FNDC1: variants seen among roughly 807,000 people sequenced by gnomAD.
The protein encoded by FNDC1 is fibronectin type III domain-containing protein 1.
FNDC1 carries 96 observed loss-of-function variants against 168.0 expected under a neutral mutation model. The ratio of observed to expected loss-of-function variants is 0.57; its 90% CI spans 0.48 to 0.68. FNDC1 has a LOEUF of 0.68. FNDC1 is among the 30% of genes least tolerant of loss of function. The probability of loss-of-function intolerance (pLI) is 0.00; values close to 1 mark genes in which losing one functional copy is unlikely to be tolerated. For missense variants in FNDC1, 2,587 were observed against 2,482.1 expected (o/e 1.04, Z -0.90); for synonymous variants, 1,099 against 1,025.9 (o/e 1.07, Z -1.36).
intron 1 of FNDC1, among the ~76,000 whole-genome samples, chr6:159,194,005 TG>T (rs1193449261): frequency 1.3e-5 from 2 of 152,222 alleles, no homozygotes; most frequent in African/African-American, 4.8e-5. Context: ...TAAAGTTTAC[TG>T]GTATGAACTG....
In FNDC1 at chr6:159,193,122, A is replaced by ATG. The variant is rs367967927; in HGVS notation, c.110-4297_110-4296dup. Among the ~76,000 whole-genome samples the ATG allele has an allele frequency of 5.3e-4, 80 of 151,948 alleles. 4 individuals are homozygous for ATG. The highest frequency in any genetic ancestry group is 1.8e-3 in the African/African-American group (74 of 41,460). Reference sequence around the variant, plus strand: ...ACTGAGTCCAACAGCTCATGTGTGTATGTGTGTGTGTGTCCCTACATAGTG... The same window carrying ATG: ...ACTGAGTCCAACAGCTCATGTGTGTATGTGTGTGTGTGTGTCCCTACATAGTG... On this transcript the variant is annotated intron_variant, in intron 1 of 22. Transcript: ENST00000297267.
Position 159,169,569 on chromosome 6 carries a change from C to A in FNDC1, c.-28C>A, listed in dbSNP as rs1184395920. ...AGCGCCCCCCTGCCAGCCGCAAGCA[C>A]CCAGCCCCGGCCCACCCCGGGCTCT... On this transcript the variant is annotated 5_prime_UTR_variant, in exon 1 of 23. Coordinates refer to ENST00000297267, the MANE Select transcript of FNDC1 (RefSeq NM_032532.3). The surrounding 1 kb of genome is among the most constrained non-coding windows in gnomAD (Gnocchi z 6.8). The A allele has an allele frequency of 5.4e-6, 5 of 933,008 alleles. No individual in the cohort carries two copies. The South Asian group carries it at 2.5e-4, about 46-fold the overall frequency. 57.8% of individuals were successfully genotyped at this position (933,008 alleles called of 1,614,324 possible). A position where few individuals can be genotyped will look rare whatever the true frequency, so the allele number is the denominator to read the frequency against.
intron 4 of FNDC1, among the ~76,000 whole-genome samples, chr6:159,212,080 C>T (rs776162595): frequency 6.6e-6 from 1 of 152,248 alleles, no homozygotes; most frequent in Non-Finnish European, 1.5e-5. Flanking sequence ...AGGTCTACTG[C>T]AATCTGGATG....
chr6:159,191,459 TG>T (rs1782137840), intron 1 of FNDC1, among the ~76,000 whole-genome samples: 2 of 152,266 alleles, frequency 1.3e-5, no homozygotes, highest in East Asian at 3.8e-4. Context: ...AAATAGCATT[TG>T]TTTTTCATGC....
At chr6:159,268,741 T>TCTATCATC (rs1777643529) in intron 22 of FNDC1, among the ~76,000 whole-genome samples, 1 of 151,206 alleles carries the variant, frequency 6.6e-6, no homozygotes, top group Non-Finnish European at 1.5e-5. Flanking sequence ...TATCTATCTA[T>TCTATCATC]CATCCATCCA....
intron 9 of FNDC1, among the ~76,000 whole-genome samples, chr6:159,227,024 T>C (rs1421402737): frequency 2.0e-5 from 3 of 152,182 alleles, no homozygotes; most frequent in Non-Finnish European, 2.9e-5. Context: ...GGAAAATGGA[T>C]TGATTCCCTA....
chr6:159,225,631 A>G lies in FNDC1; in HGVS notation c.981A>G (p.Pro327=), dbSNP rs373657432. The G allele has an allele frequency of 2.0e-5, 32 of 1,613,910 alleles. No homozygotes were observed. Among genetic ancestry groups the G allele is most frequent in the Non-Finnish European group, 2.5e-5 (30 of 1,179,896 alleles). The stretch of plus-strand genomic sequence containing the variant: ...GTGTGCTGATTGAGAACCTGATTCC[A>G]GACACTGTGTATGAATTTGCAGTCC... ...NRRVLIENLI[P]DTVYEFAVRI... Residue 327 remains proline, a synonymous_variant, in exon 8 of 23, where the codon CCA becomes CCG. Coordinates refer to ENST00000297267, the MANE Select transcript of FNDC1 (RefSeq NM_032532.3).
rs577538366 is a variant in FNDC1, at chr6:159,253,874, G to A, written c.5065+2342G>A. Among the ~76,000 whole-genome samples, 160 of 152,364 alleles carry A rather than the reference G, an allele frequency of 1.1e-3. 1 individual carries two copies. The highest frequency in any genetic ancestry group is 1.4e-3 in the Non-Finnish European group (94 of 68,040). ...AGTCTAAGCTTTGCCAACTCCATTG[G>A]AAGCTGGGTTTCCGTGGCACACGTG... On this transcript the variant is annotated intron_variant, in intron 17 of 22. Transcript: ENST00000297267.
chr6:159,250,323 ACTT>A (rs760063856), intron 16 of FNDC1, among the ~76,000 whole-genome samples: 3 of 152,238 alleles, frequency 2.0e-5, no homozygotes, highest in Non-Finnish European at 2.9e-5. Context: ...GTTACAAAGA[ACTT>A]CTTGACTTCT....
At chr6:159,246,280 G>T (rs1259807853) in intron 14 of FNDC1, among the ~76,000 whole-genome samples, 1 of 152,188 alleles carries the variant, frequency 6.6e-6, no homozygotes, top group Non-Finnish European at 1.5e-5. Context: ...GTGAGAGTGG[G>T]TGGGAACTCA....
At chr6:159,265,824 A>G (rs1486663446) in intron 20 of FNDC1, among the ~76,000 whole-genome samples, 1 of 152,124 alleles carries the variant, frequency 6.6e-6, no homozygotes, top group African/African-American at 2.4e-5. Flanking sequence ...GCTATTCAGG[A>G]GGCTGCGGCA....
At chr6:159,261,403 G>C in intron 19 of FNDC1, 134 bp downstream of exon 19, 1 of 616,572 alleles carries the variant, frequency 1.6e-6, no homozygotes, top group East Asian at 3.0e-5. Flanking sequence ...AGTTTCTAAA[G>C]TAAACATCAT....
intron 2 of FNDC1, among the ~76,000 whole-genome samples, chr6:159,198,008 T>A (rs1433080728): frequency 6.6e-6 from 1 of 152,244 alleles, no homozygotes; most frequent in Non-Finnish European, 1.5e-5. Flanking sequence ...AATCAGGGAT[T>A]GGGCAAGTCG....
At position 159,214,933 on chromosome 6, in the gene FNDC1, GC is replaced by G. The variant is rs779814149; in HGVS notation, c.461-9del. 2.9e-5 allele frequency: 47 copies of G among 1,613,146 alleles called. 1 individual carries two copies. The Admixed American group carries it at 7.7e-4, about 26-fold the overall frequency. On this transcript the variant is annotated splice_polypyrimidine_tract_variant and intron_variant, in intron 4 of 22. Transcript: ENST00000297267. Reference sequence around the variant, plus strand: ...TACTGTCTAACCACTTTTGTGTCCTGCCCTCTTTAAGAAAAGGAAGTGCCCA... The same window carrying G: ...TACTGTCTAACCACTTTTGTGTCCTGCCTCTTTAAGAAAAGGAAGTGCCCA...
Position 159,233,008 on chromosome 6 carries a change from A to C in FNDC1, c.2496A>C (p.Pro832=), listed in dbSNP as rs1010148283. Residue 832 remains proline (P), a synonymous_variant, in exon 11 of 23, where the codon CCA becomes CCC. Coordinates refer to ENST00000297267, the MANE Select transcript of FNDC1 (RefSeq NM_032532.3). This position sits in a 1 kb window ranked among gnomAD's most constrained non-coding sequence, Gnocchi z 4.6. ...CCTTTGCTGCCAACGGGAGGTCTCC[A>C]AGCAGGTTCAGCATTGGGCGGGGAC... ...HKPFAANGRS[P]SRFSIGRGPR... is the part of the protein sequence containing the mutation. 1.2e-6 allele frequency: 2 copies of C among 1,612,672 alleles called. No homozygotes were observed. Among genetic ancestry groups the C allele is most frequent in the Non-Finnish European group, 1.7e-6 (2 of 1,179,648 alleles).
intron 4 of FNDC1, among the ~76,000 whole-genome samples, chr6:159,208,086 A>G (rs766550014): frequency 2.6e-5 from 4 of 152,066 alleles, no homozygotes; most frequent in Non-Finnish European, 5.9e-5. Context: ...GCTTCTAATG[A>G]CTCTATACAC....
rs1488435445 is a variant in FNDC1, at chr6:159,271,459, C to CTGCA, written c.*18_*21dup. 6.3e-7 allele frequency: 1 copy of CTGCA among 1,577,236 alleles called. No individual in the cohort carries two copies. The highest frequency in any genetic ancestry group is 8.7e-7 in the Non-Finnish European group (1 of 1,155,188). ...AAGTGGTAATCACAGGACCGTCATGCTGCAAGCTTGCCCTGCCCAGCCCCA... is the reference window on the plus strand; with the variant it reads ...AAGTGGTAATCACAGGACCGTCATGCTGCATGCAAGCTTGCCCTGCCCAGCCCCA... On this transcript the variant is annotated 3_prime_UTR_variant, in exon 23 of 23. Coordinates refer to ENST00000297267, the MANE Select transcript of FNDC1 (RefSeq NM_032532.3).
intron 1 of FNDC1, among the ~76,000 whole-genome samples, chr6:159,173,167 C>A (rs1187023265): frequency 6.6e-6 from 1 of 152,190 alleles, no homozygotes. Flanking sequence ...AATTCAGACA[C>A]CAAAATGTTT....
chr6:159,174,507 A>G (rs1781724550), intron 1 of FNDC1, among the ~76,000 whole-genome samples: 1 of 152,268 alleles, frequency 6.6e-6, no homozygotes, highest in Admixed American at 6.5e-5. Flanking sequence ...GTGCAGCCCT[A>G]GTTGGACTTA....
Sources: gnomAD v4.1 joint callset for allele counts (sites outside exome capture counted in the v4.1 genomes callset) on GRCh38, gnomAD v4.1.1 for gene constraint, Gnocchi (gnomAD v3.1) non-coding constraint, MANE v1.5 for transcripts, NCBI Gene and HGNC (gene_info 2026-07-23, HGNC 2026-07-21) for gene names.